The following ECPAS variants were observed in gnomAD, a reference collection of about 807,000 sequenced individuals.
ECPAS encodes Ecm29 proteasome adaptor and scaffold.
Under a neutral mutation model 255.1 loss-of-function variants are expected in ECPAS, and 70 were observed. The observed-to-expected ratio is 0.27, with a 90% CI of 0.23 to 0.33. The LOEUF (loss-of-function observed/expected upper bound fraction) is 0.33, where lower values mean the gene tolerates loss of function less well. Ranked by LOEUF, ECPAS falls within the 10% of genes least tolerant of loss-of-function variation. The probability of loss-of-function intolerance (pLI) is 1.00; values close to 1 mark genes in which losing one functional copy is unlikely to be tolerated. For synonymous variants in ECPAS, 784 were observed against 775.0 expected, an observed-to-expected ratio of 1.01 and a Z score of -0.19; for missense variants, 1,817 against 2,206.4, an observed-to-expected ratio of 0.82 and a Z score of 3.54.
intron 2 of ECPAS, among the ~76,000 whole-genome samples, chr9:111,462,072 T>G (rs929894308): frequency 6.6e-6 from 1 of 152,136 alleles, no homozygotes; most frequent in Non-Finnish European, 1.5e-5. Context: ...AGCCAAACCA[T>G]ATCATCAAAC....
chr9:111,425,033 A>G (rs1455585017), intron 12 of ECPAS, among the ~76,000 whole-genome samples: 1 of 151,958 alleles, frequency 6.6e-6, no homozygotes, highest in Non-Finnish European at 1.5e-5. Context: ...AAATACAAAA[A>G]ATTAGCTGGG....
Position 111,463,231 on chromosome 9 carries a change from T to C in ECPAS, c.22+9666A>G, listed in dbSNP as rs192704972. 6.6e-5 allele frequency among the ~76,000 whole-genome samples: 10 copies of C among 152,332 alleles called. 1 individual carries two copies. The highest frequency in any genetic ancestry group is 5.2e-4 in the Admixed American group (8 of 15,304). On this transcript the variant is annotated intron_variant, in intron 2 of 49. Transcript: ENST00000684092. Reference sequence around the variant, plus strand: ...TCTCAAACACCGCTAGTTAGTGCCATATCCTCAATCCTTCTGGCTCAATTC... The same window carrying C: ...TCTCAAACACCGCTAGTTAGTGCCACATCCTCAATCCTTCTGGCTCAATTC...
At chr9:111,436,132 C>A (rs1055146624) in intron 7 of ECPAS, among the ~76,000 whole-genome samples, 1 of 151,922 alleles carries the variant, frequency 6.6e-6, no homozygotes, top group African/African-American at 2.4e-5. Flanking sequence ...GGCAAGAATG[C>A]CCCACTTGCC....
intron 16 of ECPAS, 126 bp from the exon 17 acceptor site, chr9:111,418,132 T>C (rs1260191379): frequency 4.7e-6 from 4 of 844,636 alleles, no homozygotes; most frequent in Non-Finnish European, 7.0e-6. Context: ...AATACATTCT[T>C]GGCTATCTAA....
intron 43 of ECPAS, among the ~76,000 whole-genome samples, chr9:111,371,007 GTC>G (rs2098126637): frequency 6.6e-6 from 1 of 152,124 alleles, no homozygotes; most frequent in East Asian, 1.9e-4. Context: ...TTCGACCCAG[GTC>G]TCACAGAAAA....
rs1229722189 is a variant in ECPAS at position 111,361,413 on chromosome 9, TG to T, written c.*616del. The stretch of plus-strand genomic sequence containing the variant: ...TAGCTTCTGGCTTTCAGAAACCCAA[TG>T]GTAAGGGTCAGTTTAGTTCTGGCAC... On this transcript the variant is annotated 3_prime_UTR_variant, in exon 50 of 50. Transcript: ENST00000684092. 1.3e-5 allele frequency: 2 copies of T among 152,192 alleles called. No homozygotes were observed. The highest frequency in any genetic ancestry group is 4.8e-5 in the African/African-American group (2 of 41,444). 9.4% of individuals were successfully genotyped at this position (152,192 alleles called of 1,614,324 possible). A position where few individuals can be genotyped will look rare whatever the true frequency, so the allele number is the denominator to read the frequency against.
Position 111,414,665 on chromosome 9 carries a change from G to A in ECPAS, c.1765-14C>T, listed in dbSNP as rs779838417. Reference sequence around the variant, plus strand: ...GTACAGAACGATCTACAAACAGAACGGAGAGGAAGACTGCATAAGCTTCTC... The same window carrying A: ...GTACAGAACGATCTACAAACAGAACAGAGAGGAAGACTGCATAAGCTTCTC... On this transcript the variant is annotated splice_polypyrimidine_tract_variant and intron_variant, in intron 18 of 49. Coordinates refer to ENST00000684092, the MANE Select transcript of ECPAS (RefSeq NM_001364929.1). The A allele has an allele frequency of 8.8e-6, 14 of 1,598,942 alleles. No individual in the cohort carries two copies. Among genetic ancestry groups the A allele is most frequent in the South Asian group, 5.5e-5 (5 of 90,664 alleles).
chr9:111,406,349 G>A (rs1043140187), intron 24 of ECPAS, among the ~76,000 whole-genome samples: 1 of 149,718 alleles, frequency 6.7e-6, no homozygotes, highest in African/African-American at 2.5e-5. Flanking sequence ...GTGGTTACCA[G>A]AGGCCAGGAA....
At chr9:111,430,224 G>A (rs970526735) in intron 9 of ECPAS, among the ~76,000 whole-genome samples, 2 of 152,144 alleles carry the variant, frequency 1.3e-5, no homozygotes, top group African/African-American at 4.8e-5. Flanking sequence ...ATTGCCTATA[G>A]TTGCTTTCAT....
chr9:111,437,039 G>A lies in ECPAS; in HGVS notation c.609C>T (p.Gly203=), dbSNP rs750880703. The A allele has an allele frequency of 2.2e-5, 35 of 1,612,654 alleles. No individual in the cohort carries two copies. In the East Asian group the frequency reaches 5.4e-4, roughly 25 times the overall value. The change falls in exon 7 of 50, where the codon GGC becomes GGT. Residue 203 remains glycine (G), a synonymous_variant. Coordinates refer to ENST00000684092, the MANE Select transcript of ECPAS (RefSeq NM_001364929.1). ...GAGGCTGTGGGATTCCAGAACCTCC[G>A]CCACTGTTTGAAGAAGAACCCTGTG... ...SSAQGSSSNS[G]GGSGIPQPPP... is the part of the protein sequence containing the mutation.
At chr9:111,480,257 CT>C (rs967657968) in intron 1 of ECPAS, among the ~76,000 whole-genome samples, 36 of 120,292 alleles carry the variant, frequency 3.0e-4, no homozygotes, top group African/African-American at 8.6e-4. Context: ...TAATTCTCTC[CT>C]TTTTTTTTAG....
chr9:111,387,953 C>T (rs748269330), intron 31 of ECPAS, among the ~76,000 whole-genome samples: 8 of 152,134 alleles, frequency 5.3e-5, no homozygotes, highest in Non-Finnish European at 8.8e-5. Context: ...TCTTTTTATC[C>T]CCAGTACCTT....
At chr9:111,454,432 A>G (rs1411491321) in intron 2 of ECPAS, among the ~76,000 whole-genome samples, 4 of 152,124 alleles carry the variant, frequency 2.6e-5, no homozygotes, top group African/African-American at 7.2e-5. Flanking sequence ...CTCCCTCACG[A>G]GACAGGCAAA....
At chr9:111,478,379 A>C (rs2098299248) in intron 1 of ECPAS, among the ~76,000 whole-genome samples, 2 of 151,840 alleles carry the variant, frequency 1.3e-5, no homozygotes, top group Non-Finnish European at 2.9e-5. Flanking sequence ...ATACAAAAAT[A>C]AGTCAGGCGC....
At chr9:111,421,404 CAT>C (rs1279400267) in intron 15 of ECPAS, among the ~76,000 whole-genome samples, 45 of 128,736 alleles carry the variant, frequency 3.5e-4, no homozygotes, top group South Asian at 9.9e-4. Flanking sequence ...TTACATATTA[CAT>C]ATATGTGTGT....
chr9:111,404,030 TAAGA>T (rs2098180221), intron 24 of ECPAS, among the ~76,000 whole-genome samples: 1 of 149,326 alleles, frequency 6.7e-6, no homozygotes, highest in East Asian at 2.0e-4. Context: ...ATGAAAAAAT[TAAGA>T]AAGAAAAATT....
At chr9:111,406,944 A>T (rs148875608) in intron 24 of ECPAS, among the ~76,000 whole-genome samples, 1 of 149,378 alleles carries the variant, frequency 6.7e-6, no homozygotes, top group South Asian at 2.1e-4. Context: ...ACTGTGTCCT[A>T]TTCGACTGTG....
chr9:111,409,495 T>C (rs569764340), intron 23 of ECPAS, among the ~76,000 whole-genome samples: 97 of 150,936 alleles, frequency 6.4e-4, no homozygotes, highest in African/African-American at 2.3e-3. Flanking sequence ...ACCTGGGAGG[T>C]GGAGGTTGCA....
rs577951804 is a variant in ECPAS, at chr9:111,368,945, C to T, written c.5113+90G>A. Reference sequence around the variant, plus strand: ...TTAATCAATCAGGCTCGATAAGAAACAATAACTATAATTTGTCATAGAGAA... The same window carrying T: ...TTAATCAATCAGGCTCGATAAGAAATAATAACTATAATTTGTCATAGAGAA... On this transcript the variant is annotated intron_variant, in intron 46 of 49. Transcript: ENST00000684092. 3 of 1,259,456 alleles carry T rather than the reference C, an allele frequency of 2.4e-6. No homozygotes were observed. In the East Asian group the frequency reaches 7.9e-5, roughly 33 times the overall value. The allele number at this position is 1,259,456 out of a possible 1,614,324, so 78.0% of individuals were successfully genotyped here.
Sources: allele counts gnomAD v4.1 joint callset (sites outside exome capture counted in the v4.1 genomes callset), GRCh38; gene constraint gnomAD v4.1.1; transcripts MANE v1.5; gene names NCBI Gene and HGNC (gene_info 2026-07-23, HGNC 2026-07-21).